Variants in LIN52 observed in about 807,000 individuals in gnomAD.
LIN52 encodes the protein lin-52 DREAM MuvB core complex component, also known as protein lin-52 homolog.
Under a neutral mutation model 18.5 loss-of-function variants are expected in LIN52, and 4 were observed. The ratio of observed to expected loss-of-function variants is 0.22; its 90% CI spans 0.11 to 0.49. The LOEUF (loss-of-function observed/expected upper bound fraction) is 0.49, where lower values mean the gene tolerates loss of function less well. LIN52 is among the 20% of genes least tolerant of loss of function. LIN52 has a pLI of 0.97. For synonymous variants in LIN52, 34 were observed against 45.5 expected (o/e 0.75, Z 1.02); for missense variants, 102 against 139.5 (o/e 0.73, Z 1.35).
chr14:74,095,435 C>T (rs749399857), intron 2 of LIN52, among the ~76,000 whole-genome samples: 2 of 151,948 alleles, frequency 1.3e-5, no homozygotes, highest in Admixed American at 6.6e-5. Context: ...GCACCCGGCC[C>T]GTTTTTTAAT....
intron 5 of LIN52, among the ~76,000 whole-genome samples, chr14:74,116,650 G>A (rs567718784): frequency 2.7e-5 from 4 of 149,600 alleles, no homozygotes; most frequent in Middle Eastern, 3.5e-3. Flanking sequence ...AGCTTGCAGT[G>A]AGCTGCCAAG....
intron 5 of LIN52, among the ~76,000 whole-genome samples, chr14:74,139,261 G>C (rs995843749): frequency 7.2e-5 from 11 of 152,314 alleles, no homozygotes; most frequent in African/African-American, 2.4e-4. Flanking sequence ...AAAAAAGTTG[G>C]CTATCTGTTA....
chr14:74,101,824 G>A (rs75547946), intron 5 of LIN52, among the ~76,000 whole-genome samples: 3,303 of 152,146 alleles, frequency 0.022, 124 homozygotes, highest in African/African-American at 0.076. Context: ...TTTTTAAATA[G>A]ACAGAGTCTT....
intron 1 of LIN52, 49 bp downstream of exon 1, chr14:74,085,042 A>G (rs566519876): frequency 1.3e-5 from 17 of 1,341,460 alleles, no homozygotes; most frequent in South Asian, 2.3e-5. Context: ...TCTTTGCTCT[A>G]CTGGGAACAT....
intron 4 of LIN52, among the ~76,000 whole-genome samples, chr14:74,100,943 G>A (rs1473509851): frequency 6.6e-6 from 1 of 152,168 alleles, no homozygotes; most frequent in African/African-American, 2.4e-5. Context: ...TTCTTATTAA[G>A]TGGGTAAGCT....
chr14:74,172,040 T>G (rs546984262), intron 5 of LIN52, among the ~76,000 whole-genome samples: 1 of 152,326 alleles, frequency 6.6e-6, no homozygotes, highest in South Asian at 2.1e-4. Context: ...CTCGGCCCAT[T>G]TTAATTCTTA....
intron 5 of LIN52, among the ~76,000 whole-genome samples, chr14:74,172,658 A>G (rs560635631): frequency 6.6e-6 from 1 of 152,314 alleles, no homozygotes; most frequent in South Asian, 2.1e-4. Context: ...TTTCAGTAAG[A>G]GGTAAGAAGT....
chr14:74,097,428 T>TC (rs2060820941), intron 3 of LIN52, among the ~76,000 whole-genome samples: 1 of 93,720 alleles, frequency 1.1e-5, no homozygotes, highest in Non-Finnish European at 2.3e-5. Context: ...TCTTTTTCTT[T>TC]TTTTTTTTTT....
chr14:74,141,641 G>T (rs993717414), intron 5 of LIN52, among the ~76,000 whole-genome samples: 4 of 152,308 alleles, frequency 2.6e-5, no homozygotes, highest in Middle Eastern at 3.4e-3. Flanking sequence ...AAGCTTTTAG[G>T]GGGGAGGTAG....
At chr14:74,088,591 G>T (rs1445780789) in intron 1 of LIN52, among the ~76,000 whole-genome samples, 1 of 152,144 alleles carries the variant, frequency 6.6e-6, no homozygotes, top group Non-Finnish European at 1.5e-5. Context: ...CTAATTTTTG[G>T]ATGCTTTAAT....
At chr14:74,135,265 A>G (rs948859066) in intron 5 of LIN52, among the ~76,000 whole-genome samples, 2 of 152,120 alleles carry the variant, frequency 1.3e-5, no homozygotes, top group Non-Finnish European at 2.9e-5. Flanking sequence ...GGGTTTCACC[A>G]TGTTGGCCAG....
intron 5 of LIN52, among the ~76,000 whole-genome samples, chr14:74,131,729 TTCC>T (rs1363946206): frequency 6.6e-6 from 1 of 152,236 alleles, no homozygotes; most frequent in Non-Finnish European, 1.5e-5. Flanking sequence ...CCACTTGTTT[TTCC>T]TCCTTTTATG....
intron 5 of LIN52, among the ~76,000 whole-genome samples, chr14:74,117,261 A>G (rs2058982641): frequency 6.6e-6 from 1 of 152,220 alleles, no homozygotes; most frequent in South Asian, 2.1e-4. Context: ...GTCATGGGCA[A>G]GAGACGATTT....
At chr14:74,138,461 T>C (rs1026511958) in intron 5 of LIN52, among the ~76,000 whole-genome samples, 9 of 152,208 alleles carry the variant, frequency 5.9e-5, no homozygotes, top group African/African-American at 2.2e-4. Context: ...AACTGAGATA[T>C]GCATTATAAA....
intron 5 of LIN52, among the ~76,000 whole-genome samples, chr14:74,159,445 T>C (rs140178468): frequency 2.6e-5 from 4 of 152,356 alleles, no homozygotes; most frequent in African/African-American, 9.6e-5. Flanking sequence ...ATAATGTTAC[T>C]ACTTACACAA....
At chr14:74,198,860 C>A in intron 5 of LIN52, 62 bp from the exon 6 acceptor site, 1 of 1,193,038 alleles carries the variant, frequency 8.4e-7, no homozygotes, top group South Asian at 1.2e-5. Context: ...ATTAAATCTT[C>A]CTATGATTCT....
intron 5 of LIN52, among the ~76,000 whole-genome samples, chr14:74,187,289 T>C (rs2061345057): frequency 6.6e-6 from 1 of 152,168 alleles, no homozygotes; most frequent in African/African-American, 2.4e-5. Flanking sequence ...TAAAAACCTT[T>C]TTCAGTGTAT....
chr14:74,147,940 G>A lies in LIN52; in HGVS notation c.283+46702G>A, dbSNP rs557477305. ...ACACTAAACTGTACACTTAAAAATG[G>A]TTGAGATGGTAAGTGTTATGTATAT... On this transcript the variant is annotated intron_variant, in intron 5 of 5. Transcript: ENST00000555028. Among the ~76,000 whole-genome samples, 3 of 152,308 alleles carry A rather than the reference G, an allele frequency of 2.0e-5. No homozygotes were observed. The East Asian group carries it at 5.8e-4, about 29-fold the overall frequency.
chr14:74,161,571 C>T (rs1321965695), intron 5 of LIN52, among the ~76,000 whole-genome samples: 3 of 152,246 alleles, frequency 2.0e-5, no homozygotes, highest in Non-Finnish European at 4.4e-5. Flanking sequence ...CAACGGTGTA[C>T]AGAGGTAGCA....
Sources: allele counts gnomAD v4.1 joint callset (sites outside exome capture counted in the v4.1 genomes callset), GRCh38; gene constraint gnomAD v4.1.1; transcripts MANE v1.5; gene names NCBI Gene and HGNC (gene_info 2026-07-23, HGNC 2026-07-21).